PCSK5: variants seen among roughly 807,000 people sequenced by gnomAD.
PCSK5 encodes the protein prohormone convertase 5.
PCSK5 carries 129 observed loss-of-function variants against 233.2 expected under a neutral mutation model. That is an observed-to-expected ratio of 0.55 (90% CI 0.48 to 0.64). The LOEUF is 0.64. Ranked by LOEUF, PCSK5 falls within the 30% of genes least tolerant of loss-of-function variation. PCSK5 has a pLI of 0.00. For missense variants in PCSK5, 2,076 were observed against 2,430.1 expected, an observed-to-expected ratio of 0.85 and a Z score of 3.06; for synonymous variants, 825 against 879.2, an observed-to-expected ratio of 0.94 and a Z score of 1.09.
chr9:75,895,419 A>G (rs1825764415), intron 1 of PCSK5, among the ~76,000 whole-genome samples: 1 of 152,236 alleles, frequency 6.6e-6, no homozygotes, highest in African/African-American at 2.4e-5. Context: ...AGACATTTTA[A>G]AAATGGAGAT....
In PCSK5 at chr9:76,348,772, C is replaced by A. The variant is rs1435361861; in HGVS notation, c.4967-2056C>A. Among the ~76,000 whole-genome samples, 5 of 152,186 alleles carry A rather than the reference C, an allele frequency of 3.3e-5. No individual in the cohort carries two copies. In the East Asian group the frequency reaches 7.7e-4, roughly 24 times the overall value. ...TCCTGTCTAACTAGAACTTTATACCCTTTGACCAGCATCTCCCCAGTCCCC... is the reference window on the plus strand; with the variant it reads ...TCCTGTCTAACTAGAACTTTATACCATTTGACCAGCATCTCCCCAGTCCCC... On this transcript the variant is annotated intron_variant, in intron 35 of 37. Coordinates refer to ENST00000674117, the MANE Select transcript of PCSK5 (RefSeq NM_001372043.1).
At chr9:76,179,740 G>A (rs1823764227) in intron 15 of PCSK5, 42 bp downstream of exon 15, 1 of 1,379,730 alleles carries the variant, frequency 7.2e-7, no homozygotes, top group Non-Finnish European at 1.0e-6. Context: ...CATGTGCCAG[G>A]CATCTTAGGA....
chr9:75,918,473 C>T (rs1161093242), intron 1 of PCSK5, among the ~76,000 whole-genome samples: 2 of 152,226 alleles, frequency 1.3e-5, no homozygotes, highest in Non-Finnish European at 2.9e-5. Flanking sequence ...TTGAGAGCCA[C>T]TGATTTATAG....
chr9:76,068,932 T>C (rs1245438134), intron 6 of PCSK5, among the ~76,000 whole-genome samples: 4 of 152,108 alleles, frequency 2.6e-5, no homozygotes, highest in Non-Finnish European at 5.9e-5. Context: ...AACTAAAAAA[T>C]AAAAATGACA....
Position 76,308,693 on chromosome 9 carries a change from A to G in PCSK5, c.3653A>G (p.Asn1218Ser), listed in dbSNP as rs1426684130. 1.9e-6 allele frequency: 3 copies of G among 1,610,764 alleles called. No individual in the cohort carries two copies. The highest frequency in any genetic ancestry group is 2.2e-5 in the East Asian group (1 of 44,884). ...TGTCATTCTTCTTGTAAAACCTGCA[A>G]TGGATCTGCAACTCTGTGCACTTCA... ...QPCHSSCKTC[N>S]GSATLCTSCP... Residue 1218 changes from asparagine (N) to serine (S), a missense_variant, in exon 29 of 38, where the codon AAT (asparagine) becomes AGT (serine). By Grantham distance (46) the Asn-to-Ser change is conservative. Around this residue, in one of 6 missense-constraint regions of PCSK5, gnomAD observed 1,510 missense variants for 1,538.1 expected, o/e 0.98. Coordinates refer to ENST00000674117, the MANE Select transcript of PCSK5 (RefSeq NM_001372043.1).
intron 2 of PCSK5, among the ~76,000 whole-genome samples, chr9:75,957,947 C>T (rs987536620): frequency 2.0e-5 from 3 of 152,048 alleles, no homozygotes; most frequent in Non-Finnish European, 2.9e-5. Context: ...GATCTAAGAG[C>T]GGGCAAATGG....
intron 7 of PCSK5, among the ~76,000 whole-genome samples, chr9:76,080,170 A>G (rs2131618230): frequency 6.6e-6 from 1 of 152,112 alleles, no homozygotes; most frequent in South Asian, 2.1e-4. Flanking sequence ...TCTTGAAGGC[A>G]CTGCTTCAGG....
chr9:76,323,459 C>T (rs1314146395), intron 32 of PCSK5, among the ~76,000 whole-genome samples, 171 bp downstream of exon 32: 5 of 152,196 alleles, frequency 3.3e-5, no homozygotes, highest in Non-Finnish European at 5.9e-5. Flanking sequence ...ACATGGCTCA[C>T]TGAAGCCTCC....
rs111823874 is a variant in PCSK5, at chr9:76,296,542, C to T, written c.3323-123C>T. On this transcript the variant is annotated intron_variant, in intron 26 of 37. Coordinates refer to ENST00000674117, the MANE Select transcript of PCSK5 (RefSeq NM_001372043.1). ...TGGGCAACAGAGAGAGACTCCATCT[C>T]AAAAATAATAATAAAAACAAATGCA... The T allele has an allele frequency of 5.1e-3, 3,364 of 659,516 alleles. 66 individuals carry two copies. The highest frequency in any genetic ancestry group is 0.049 in the African/African-American group (2,677 of 54,986). The allele number at this position is 659,516 out of a possible 1,614,324, so 40.9% of individuals were successfully genotyped here.
chr9:76,203,721 A>C (rs895498605), intron 20 of PCSK5, among the ~76,000 whole-genome samples: 3 of 152,160 alleles, frequency 2.0e-5, no homozygotes, highest in Non-Finnish European at 4.4e-5. Context: ...TTTAAGCTAC[A>C]AAGTTTATAG....
intron 14 of PCSK5, 131 bp downstream of exon 14, chr9:76,175,260 T>C (rs898390088): frequency 1.6e-5 from 11 of 704,346 alleles, no homozygotes; most frequent in Middle Eastern, 2.5e-4. Flanking sequence ...TGGAATGGAA[T>C]GGAATGGAAT....
chr9:75,929,511 A>G (rs1219628133), intron 1 of PCSK5, among the ~76,000 whole-genome samples: 1 of 151,644 alleles, frequency 6.6e-6, no homozygotes, highest in African/African-American at 2.4e-5. Context: ...CCTACTTGAG[A>G]CACAAACTAT....
intron 17 of PCSK5, 21 bp downstream of exon 17, chr9:76,184,778 A>G (rs768170771): frequency 2.1e-6 from 3 of 1,406,130 alleles, no homozygotes; most frequent in Non-Finnish European, 3.0e-6. Flanking sequence ...GAAGGATTTT[A>G]TCAAGTAACA....
chr9:76,001,123 C>T (rs1827242474), intron 3 of PCSK5, among the ~76,000 whole-genome samples: 1 of 152,110 alleles, frequency 6.6e-6, no homozygotes. Flanking sequence ...ATCTTTTCCC[C>T]ATGTTGAAAA....
At chr9:76,241,733 C>T (rs751538530) in intron 24 of PCSK5, among the ~76,000 whole-genome samples, 48 of 152,090 alleles carry the variant, frequency 3.2e-4, no homozygotes, top group Admixed American at 3.9e-4. Flanking sequence ...TCTTAATGTA[C>T]GTTTAGGCAA....
At chr9:75,976,806 AT>A (rs1371288266) in intron 2 of PCSK5, among the ~76,000 whole-genome samples, 3 of 152,038 alleles carry the variant, frequency 2.0e-5, no homozygotes, top group Non-Finnish European at 4.4e-5. Context: ...GTTTAATCAT[AT>A]TTAATATTTA....
chr9:76,351,208 A>G (rs532880595), intron 36 of PCSK5, among the ~76,000 whole-genome samples: 13 of 152,130 alleles, frequency 8.5e-5, no homozygotes, highest in African/African-American at 3.1e-4. Flanking sequence ...GTTATTCATC[A>G]CCATAGAAGT....
intron 5 of PCSK5, among the ~76,000 whole-genome samples, chr9:76,030,268 A>G (rs1828599800): frequency 6.6e-6 from 1 of 152,150 alleles, no homozygotes; most frequent in African/African-American, 2.4e-5. Context: ...GAGTCCTGAA[A>G]GGTTTTTTTC....
At chr9:75,948,260 T>A (rs1824670718) in intron 2 of PCSK5, among the ~76,000 whole-genome samples, 1 of 152,036 alleles carries the variant, frequency 6.6e-6, no homozygotes, top group African/African-American at 2.4e-5. Flanking sequence ...GTTGCTCCCA[T>A]CAACTCGTCA....
Sources: allele counts gnomAD v4.1 joint callset (sites outside exome capture counted in the v4.1 genomes callset), GRCh38; gene constraint gnomAD v4.1.1; regional missense constraint gnomAD v4.1.1; transcripts MANE v1.5; gene names NCBI Gene and HGNC (gene_info 2026-07-23, HGNC 2026-07-21).